The following RBFOX1 variants were observed in gnomAD, a reference collection of about 807,000 sequenced individuals.
The protein encoded by RBFOX1 is RNA binding fox-1 homolog 1.
In RBFOX1, 8 loss-of-function variants were observed where a neutral mutation model predicts 57.7. The observed-to-expected ratio is 0.14, with a 90% CI of 0.08 to 0.25. The LOEUF (loss-of-function observed/expected upper bound fraction) is 0.25. Among genes scored for constraint, RBFOX1 ranks in the 10% least tolerant of loss-of-function variants. The pLI is 1.00. For synonymous variants in RBFOX1, 326 were observed against 222.4 expected (o/e 1.47, Z -4.15); for missense variants, 611 against 548.5 (o/e 1.11, Z -1.14).
chr16:5,244,516 A>T (rs1021419315), intron 1 of RBFOX1, among the ~76,000 whole-genome samples: 1 of 152,178 alleles, frequency 6.6e-6, no homozygotes, highest in African/African-American at 2.4e-5. Flanking sequence ...GGGTGTTTGG[A>T]CCAACCTCTG....
rs76845043 is a variant in RBFOX1, at chr16:7,576,844, C to T, written c.271-2933C>T. Among the ~76,000 whole-genome samples, 1,074 of 152,122 alleles carry T rather than the reference C, an allele frequency of 7.1e-3. 12 individuals are homozygous for T. Among genetic ancestry groups the T allele is most frequent in the African/African-American group, 0.025 (1,024 of 41,504 alleles). On this transcript the variant is annotated intron_variant, in intron 5 of 15. Transcript: ENST00000550418. The stretch of plus-strand genomic sequence containing the variant: ...AGCTCATTTTGTTTTTGCATTGAAA[C>T]GGGAACTTCTAACAGGATGGAAGAG...
chr16:5,437,375 C>T (rs947598253), intron 1 of RBFOX1, among the ~76,000 whole-genome samples: 1 of 152,048 alleles, frequency 6.6e-6, no homozygotes, highest in Non-Finnish European at 1.5e-5. Context: ...GTATGATATA[C>T]CGAAAACCTT....
intron 1 of RBFOX1, among the ~76,000 whole-genome samples, chr16:5,285,874 C>T (rs1205686878): frequency 6.6e-6 from 1 of 152,108 alleles, no homozygotes; most frequent in African/African-American, 2.4e-5. Flanking sequence ...CGGGTTCAAG[C>T]GATTCTCCTG....
intron 3 of RBFOX1, among the ~76,000 whole-genome samples, chr16:5,682,415 C>G (rs17138366): frequency 0.18 from 27,027 of 152,092 alleles, 3,462 homozygotes; most frequent in East Asian, 0.57. Flanking sequence ...GAGGGTCACT[C>G]TACAATTTAT....
intron 2 of RBFOX1, among the ~76,000 whole-genome samples, chr16:5,586,977 C>A (rs2046852435): frequency 6.6e-6 from 1 of 152,158 alleles, no homozygotes; most frequent in Non-Finnish European, 1.5e-5. Context: ...CCTTCCTGTG[C>A]TGCCCAGATG....
At chr16:6,087,287 G>C (rs575145823) in intron 1 of RBFOX1, among the ~76,000 whole-genome samples, 16 of 152,296 alleles carry the variant, frequency 1.1e-4, no homozygotes, top group African/African-American at 3.4e-4. Flanking sequence ...TGTCTGTCCA[G>C]AGTTTTGTGC....
intron 4 of RBFOX1, among the ~76,000 whole-genome samples, chr16:7,174,637 A>C (rs945955639): frequency 3.9e-5 from 6 of 152,100 alleles, no homozygotes; most frequent in Non-Finnish European, 8.8e-5. Flanking sequence ...AAAATTAGCC[A>C]GGCGTGGTGG....
intron 1 of RBFOX1, among the ~76,000 whole-genome samples, chr16:6,214,957 G>A (rs2097325435): frequency 8.3e-6 from 1 of 120,206 alleles, no homozygotes; most frequent in Non-Finnish European, 1.8e-5. Context: ...AGGGAGAGAG[G>A]GAGAGGGAGA....
intron 14 of RBFOX1, among the ~76,000 whole-genome samples, chr16:7,694,123 C>G (rs2078051581): frequency 6.6e-6 from 1 of 152,102 alleles, no homozygotes; most frequent in African/African-American, 2.4e-5. Context: ...ACTAGATTTC[C>G]TTCTTTTTCC....
At chr16:6,890,447 T>C (rs2065138048) in intron 3 of RBFOX1, among the ~76,000 whole-genome samples, 1 of 152,140 alleles carries the variant, frequency 6.6e-6, no homozygotes, top group South Asian at 2.1e-4. Flanking sequence ...TAAACCCAGA[T>C]GGCAGAGATT....
chr16:6,985,489 A>C (rs1032865934), intron 3 of RBFOX1, among the ~76,000 whole-genome samples: 5 of 152,290 alleles, frequency 3.3e-5, no homozygotes, highest in African/African-American at 1.2e-4. Context: ...CTCTTAAAAA[A>C]TTAATTAACT....
intron 4 of RBFOX1, among the ~76,000 whole-genome samples, chr16:5,895,290 A>G (rs1170781938): frequency 2.0e-5 from 3 of 152,196 alleles, no homozygotes; most frequent in Non-Finnish European, 2.9e-5. Flanking sequence ...CTAACTTAAT[A>G]CAAGCTTAGA....
intron 4 of RBFOX1, among the ~76,000 whole-genome samples, chr16:7,343,241 C>A (rs1304009869): frequency 6.6e-6 from 1 of 152,174 alleles, no homozygotes; most frequent in South Asian, 2.1e-4. Flanking sequence ...CACTGGGCAG[C>A]TTATGGGAAG....
intron 4 of RBFOX1, among the ~76,000 whole-genome samples, chr16:7,461,018 T>C (rs2059486789): frequency 6.6e-6 from 1 of 152,138 alleles, no homozygotes; most frequent in African/African-American, 2.4e-5. Flanking sequence ...AAGGAAGCCA[T>C]GTAGTGAGTG....
chr16:5,847,258 C>T (rs2056780144), intron 3 of RBFOX1, among the ~76,000 whole-genome samples: 7 of 151,100 alleles, frequency 4.6e-5, no homozygotes, highest in Admixed American at 4.6e-4. Flanking sequence ...GGGGGAAGGA[C>T]ACATAGTTGG....
rs9922826 is a variant in RBFOX1 at position 7,453,887 on chromosome 16, C to A, written c.28-64260C>A. Among the ~76,000 whole-genome samples the A allele has an allele frequency of 2.6e-5, 4 of 152,252 alleles. No individual in the cohort carries two copies. The South Asian group carries it at 8.3e-4, about 32-fold the overall frequency. ...GTCTTCACCAAAGGCTAGAAGTTGT[C>A]CTCGCAAAGAAGGAGTGGAGGAAGT... On this transcript the variant is annotated intron_variant, in intron 4 of 15. Transcript: ENST00000550418.
chr16:7,279,406 C>A (rs971992276), intron 4 of RBFOX1, among the ~76,000 whole-genome samples: 1 of 152,134 alleles, frequency 6.6e-6, no homozygotes, highest in African/African-American at 2.4e-5. Context: ...TTTCTCTGTG[C>A]GTAAGCCAGG....
rs373460287 is a variant in RBFOX1 at position 5,980,588 on chromosome 16, C to G, written c.351+113253C>G. On this transcript the variant is annotated intron_variant, in intron 4 of 19. Coordinates refer to the RBFOX1 transcript ENST00000641259. ...GAAAATTGGACTTCTTGAGTATTTC[C>G]CAGAGTTGAGGGGTCTGCTTGGTGA... is the stretch of plus-strand genomic sequence containing the variant. Among the ~76,000 whole-genome samples, 8 of 152,178 alleles carry G rather than the reference C, an allele frequency of 5.3e-5. No homozygotes were observed. The East Asian group carries it at 1.4e-3, about 26-fold the overall frequency.
At chr16:7,357,799 A>C (rs1026682561) in intron 4 of RBFOX1, among the ~76,000 whole-genome samples, 1 of 152,122 alleles carries the variant, frequency 6.6e-6, no homozygotes, top group Admixed American at 6.6e-5. Flanking sequence ...AGCATTCAGC[A>C]TTGCTCCTTC....
Sources: allele counts gnomAD v4.1 joint callset (sites outside exome capture counted in the v4.1 genomes callset), GRCh38; gene constraint gnomAD v4.1.1; transcripts MANE v1.5; gene names NCBI Gene and HGNC (gene_info 2026-07-23, HGNC 2026-07-21).